Variants in CPB1 observed in about 807,000 individuals in gnomAD.
CPB1 encodes carboxypeptidase B1, also known as carboxypeptidase B.
Under a neutral mutation model 51.4 loss-of-function variants are expected in CPB1, and 53 were observed. The observed-to-expected ratio is 1.03, with a 90% CI of 0.83 to 1.30. The LOEUF is 1.30. Ranked by LOEUF, CPB1 falls within the 50% of genes most tolerant of loss-of-function variation. The pLI is 0.00. For synonymous variants in CPB1, 189 were observed against 186.9 expected (o/e 1.01, Z -0.09); for missense variants, 494 against 516.2 (o/e 0.96, Z 0.42).
intron 2 of CPB1, among the ~76,000 whole-genome samples, chr3:148,831,323 G>C (rs1377751207): frequency 6.6e-6 from 1 of 152,108 alleles, no homozygotes; most frequent in Non-Finnish European, 1.5e-5. Flanking sequence ...TACTGTACCA[G>C]TAAGTTCCTC....
chr3:148,844,765 G>A lies in CPB1; in HGVS notation c.776G>A (p.Cys259Tyr). 1 of 1,613,624 alleles carries A rather than the reference G, an allele frequency of 6.2e-7. No homozygotes were observed. Among genetic ancestry groups the A allele is most frequent in the Non-Finnish European group, 8.5e-7 (1 of 1,179,608 alleles). ...AACAGAAATTTTGATGCTGGTTGGTGTGGTAAGTATCTGGCTAGCCATTTT... is the reference window on the plus strand; with the variant it reads ...AACAGAAATTTTGATGCTGGTTGGTATGGTAAGTATCTGGCTAGCCATTTT... ...DPNRNFDAGW[C>Y]EIGASRNPCD... is the part of the protein sequence containing the mutation. The change falls in exon 8 of 11, where the codon TGT (cysteine) becomes TAT (tyrosine). Residue 259 changes from cysteine (C) to tyrosine (Y), a missense_variant and splice_region_variant. Coordinates refer to ENST00000282957, the MANE Select transcript of CPB1 (RefSeq NM_001871.3).
At chr3:148,851,866 T>G (rs1050501418) in intron 9 of CPB1, 2 of 152,218 alleles carry the variant, frequency 1.3e-5, no homozygotes, top group African/African-American at 2.4e-5. Flanking sequence ...GGATGAATCC[T>G]GTGTCACAGT....
chr3:148,859,968 A>G lies in CPB1; in HGVS notation c.1220A>G (p.Tyr407Cys), dbSNP rs780338858. 3 of 1,614,118 alleles carry G rather than the reference A, an allele frequency of 1.9e-6. No homozygotes were observed. Among genetic ancestry groups the G allele is most frequent in the Non-Finnish European group, 2.5e-6 (3 of 1,179,966 alleles). ...TCEETFLAIK[Y>C]VASYVLEHLY Reference sequence around the variant, plus strand: ...GAGGAGACCTTCCTGGCAATCAAGTATGTTGCCAGCTACGTCCTGGAACAC... The same window carrying G: ...GAGGAGACCTTCCTGGCAATCAAGTGTGTTGCCAGCTACGTCCTGGAACAC... Residue 407 changes from tyrosine (Y) to cysteine (C), a missense_variant, in exon 11 of 11, where the codon TAT becomes TGT. Tyr to Cys is a radical substitution (Grantham distance 194, BLOSUM62 -2). Coordinates refer to ENST00000282957, the MANE Select transcript of CPB1 (RefSeq NM_001871.3).
chr3:148,853,435 T>C (rs1713488068), intron 9 of CPB1, among the ~76,000 whole-genome samples: 1 of 152,194 alleles, frequency 6.6e-6, no homozygotes, highest in Non-Finnish European at 1.5e-5. Flanking sequence ...ACTCAATGCC[T>C]GGAGAAACAT....
Position 148,845,474 on chromosome 3 carries a change from G to T in CPB1, c.829G>T (p.Ala277Ser), listed in dbSNP as rs41267863. ...TGATGAAACTTACTGTGGACCTGCC[G>T]CAGAGTCTGAAAAGGAGACCAAGGC... is the stretch of plus-strand genomic sequence containing the variant. Reference protein sequence around the residue: ...PCDETYCGPAAESEKETKALA... With the variant: ...PCDETYCGPASESEKETKALA... Residue 277 changes from alanine (A) to serine (S), a missense_variant, in exon 9 of 11, where the codon GCA (alanine) becomes TCA (serine). Physicochemically the swap from Ala to Ser is moderately conservative, Grantham distance 99 (BLOSUM62 1). Transcript: ENST00000282957. 8.7e-6 allele frequency: 14 copies of T among 1,613,798 alleles called. No individual in the cohort carries two copies. The highest frequency in any genetic ancestry group is 1.1e-5 in the Non-Finnish European group (13 of 1,179,826).
chr3:148,834,557 C>T lies in CPB1; in HGVS notation c.207C>T (p.Phe69=), dbSNP rs758757426. Residue 69 remains phenylalanine (F), a synonymous_variant, in exon 3 of 11, where the codon TTC becomes TTT. Coordinates refer to ENST00000282957, the MANE Select transcript of CPB1 (RefSeq NM_001871.3). ...TQIKPHSTVD[F]RVKAEDTVTV... is the part of the protein sequence containing the mutation. Reference sequence around the variant, plus strand: ...TCAAACCTCACAGTACAGTTGACTTCCGTGTTAAAGCAGAAGATACTGTCA... The same window carrying T: ...TCAAACCTCACAGTACAGTTGACTTTCGTGTTAAAGCAGAAGATACTGTCA... 7.4e-6 allele frequency: 12 copies of T among 1,613,378 alleles called. No homozygotes were observed. The East Asian group carries it at 2.5e-4, about 33-fold the overall frequency.
At chr3:148,850,279 A>G (rs983176883) in intron 9 of CPB1, among the ~76,000 whole-genome samples, 5 of 143,382 alleles carry the variant, frequency 3.5e-5, no homozygotes, top group Non-Finnish European at 6.2e-5. Flanking sequence ...CTCTTAATTG[A>G]AGTTTTTTTT....
At position 148,827,858 on chromosome 3, in the gene CPB1, T is replaced by C. The variant is rs750117832; in HGVS notation, c.35T>C (p.Leu12Pro). 14 of 1,614,224 alleles carry C rather than the reference T, an allele frequency of 8.7e-6. 1 individual carries two copies. In the South Asian group the frequency reaches 1.5e-4, roughly 18 times the overall value. Reference sequence around the variant, plus strand: ...CTCTTGGTTCTGGTGACTGTGGCCCTGGCATCTGCTCATCATGGTGGTGAG... The same window carrying C: ...CTCTTGGTTCTGGTGACTGTGGCCCCGGCATCTGCTCATCATGGTGGTGAG... ...LALLVLVTVA[L>P]ASAHHGGEHF... Residue 12 changes from leucine to proline, a missense_variant, in exon 1 of 11, where the codon CTG becomes CCG. By Grantham distance (98) the Leu-to-Pro change is moderately conservative (BLOSUM62 -3). Transcript: ENST00000282957.
In CPB1 at chr3:148,850,460, C is replaced by A. The variant is rs182174716; in HGVS notation, c.981+4834C>A. On this transcript the variant is annotated intron_variant, in intron 9 of 10. Transcript: ENST00000282957. ...GGGACTACAGGCACCTGCCACCACA[C>A]CCGGCTAATTTTTTTGTATTTTTAG... Among the ~76,000 whole-genome samples the A allele has an allele frequency of 5.0e-4, 76 of 151,982 alleles. No individual in the cohort carries two copies. In the East Asian group the frequency reaches 0.014, roughly 27 times the overall value.
At chr3:148,857,318 A>T in intron 9 of CPB1, 139 bp from the exon 10 acceptor site, 1 of 616,886 alleles carries the variant, frequency 1.6e-6, no homozygotes, top group South Asian at 2.0e-5. Flanking sequence ...TAGAAAAATG[A>T]AAATGGGTCC....
intron 3 of CPB1, chr3:148,838,401 C>T (rs1712974026): frequency 1.3e-5 from 2 of 151,210 alleles, no homozygotes; most frequent in Admixed American, 1.3e-4. Context: ...CCGAGAAGCT[C>T]ATCCTTATTA....
At chr3:148,846,334 G>C (rs1713240084) in intron 9 of CPB1, among the ~76,000 whole-genome samples, 3 of 151,968 alleles carry the variant, frequency 2.0e-5, no homozygotes, top group African/African-American at 7.2e-5. Flanking sequence ...AAATAAGCAT[G>C]TTTGAACCTT....
intron 9 of CPB1, among the ~76,000 whole-genome samples, chr3:148,846,484 T>C (rs1308143573): frequency 6.6e-6 from 1 of 151,874 alleles, no homozygotes; most frequent in Admixed American, 6.6e-5. Context: ...ATGACATGGA[T>C]ATTTGGCTTA....
chr3:148,845,374 C>A (rs1428047639), intron 8 of CPB1, 50 bp from the exon 9 acceptor site: 2 of 1,557,664 alleles, frequency 1.3e-6, no homozygotes, highest in Admixed American at 3.4e-5. Context: ...AACATCCCCA[C>A]AAGAACTTCA....
intron 10 of CPB1, among the ~76,000 whole-genome samples, chr3:148,857,782 C>T (rs2108023072): frequency 6.6e-6 from 1 of 151,912 alleles, no homozygotes; most frequent in Non-Finnish European, 1.5e-5. Context: ...ACCTGTAATC[C>T]CAGCTACTCA....
chr3:148,853,202 C>T (rs1448958901), intron 9 of CPB1, among the ~76,000 whole-genome samples: 1 of 151,970 alleles, frequency 6.6e-6, no homozygotes, highest in Non-Finnish European at 1.5e-5. Context: ...TGTTTTATAC[C>T]TTATAGTTGG....
Position 148,860,016 on chromosome 3 carries a change from T to C in CPB1, c.*14T>C. 1 of 1,587,572 alleles carries C rather than the reference T, an allele frequency of 6.3e-7. No individual in the cohort carries two copies. Among genetic ancestry groups the C allele is most frequent in the Non-Finnish European group, 8.6e-7 (1 of 1,166,722 alleles). On this transcript the variant is annotated 3_prime_UTR_variant, in exon 11 of 11. Coordinates refer to ENST00000282957, the MANE Select transcript of CPB1 (RefSeq NM_001871.3). The stretch of plus-strand genomic sequence containing the variant: ...CACCTGTACTAGTTGAGAAAGCTGA[T>C]GGCCTTGTTTCAAAATTCTCATTTT...
Position 148,835,652 on chromosome 3 carries a change from G to C in CPB1, c.272+1030G>C, listed in dbSNP as rs181339050. Among the ~76,000 whole-genome samples the C allele has an allele frequency of 3.7e-3, 556 of 152,248 alleles. 4 individuals are homozygous for C. Among genetic ancestry groups the C allele is most frequent in the Non-Finnish European group, 3.0e-3 (204 of 68,002 alleles). ...GTACAAAGCAGAGGTCCTCCTCCAGGGGGTAGATTAGGGAGGAACAAAGAC... is the reference window on the plus strand; with the variant it reads ...GTACAAAGCAGAGGTCCTCCTCCAGCGGGTAGATTAGGGAGGAACAAAGAC... On this transcript the variant is annotated intron_variant, in intron 3 of 10. Coordinates refer to ENST00000282957, the MANE Select transcript of CPB1 (RefSeq NM_001871.3).
At position 148,846,770 on chromosome 3, in the gene CPB1, T is replaced by C. The variant is rs112105418; in HGVS notation, c.981+1144T>C. Among the ~76,000 whole-genome samples, 133 of 67,682 alleles carry C rather than the reference T, an allele frequency of 2.0e-3. 4 individuals are homozygous for C. Among genetic ancestry groups the C allele is most frequent in the Admixed American group, 3.3e-3 (21 of 6,300 alleles). 44.4% of individuals were successfully genotyped at this position (67,682 alleles called of 152,430 possible). A position where few individuals can be genotyped will look rare whatever the true frequency, so the allele number is the denominator to read the frequency against. On this transcript the variant is annotated intron_variant, in intron 9 of 10. Transcript: ENST00000282957. ...ATATATATATACATATATATATATA[T>C]ACACATATATATGTGTGTGTGCGTG...
Sources: gnomAD v4.1 joint callset for allele counts (sites outside exome capture counted in the v4.1 genomes callset) on GRCh38, gnomAD v4.1.1 for gene constraint, MANE v1.5 for transcripts, NCBI Gene and HGNC (gene_info 2026-07-23, HGNC 2026-07-21) for gene names.